Variants in TECPR2 observed in about 807,000 individuals in gnomAD.
TECPR2 encodes the protein tectonin beta-propeller repeat-containing protein 2.
A neutral mutation model predicts 138.1 loss-of-function variants in TECPR2; 65 were observed. The observed-to-expected ratio is 0.47, with a 90% confidence interval of 0.39 to 0.58. TECPR2 has a LOEUF of 0.58. Ranked by LOEUF, TECPR2 falls within the 20% of genes least tolerant of loss-of-function variation. The probability of loss-of-function intolerance (pLI) is 0.00; values close to 1 mark genes in which losing one functional copy is unlikely to be tolerated. For missense variants in TECPR2, 1,553 were observed against 1,824.5 expected (o/e 0.85, Z 2.71); for synonymous variants, 746 against 749.8 (o/e 0.99, Z 0.08).
In TECPR2 at chr14:102,470,245, T is replaced by C. The variant is rs562693922; in HGVS notation, c.3789+4956T>C. On this transcript the variant is annotated intron_variant, in intron 17 of 19. Coordinates refer to ENST00000359520, the MANE Select transcript of TECPR2 (RefSeq NM_014844.5). ...ATGTAGCCATGTAGGCCTGAACTTT[T>C]TTTGTGGGAAGTTTTTTTGACTACT... is the stretch of plus-strand genomic sequence containing the variant. 5.9e-5 allele frequency among the ~76,000 whole-genome samples: 9 copies of C among 152,284 alleles called. No homozygotes were observed. In the East Asian group the frequency reaches 1.7e-3, roughly 29 times the overall value.
intron 2 of TECPR2, among the ~76,000 whole-genome samples, chr14:102,382,022 G>A (rs147896995): frequency 3.9e-5 from 6 of 152,090 alleles, no homozygotes; most frequent in South Asian, 2.1e-4. Flanking sequence ...GGCCGGGCAC[G>A]GTGGCTCACG....
At chr14:102,373,768 A>G (rs1375630538) in intron 1 of TECPR2, among the ~76,000 whole-genome samples, 4 of 152,132 alleles carry the variant, frequency 2.6e-5, no homozygotes, top group Non-Finnish European at 5.9e-5. Flanking sequence ...TGTATTGGCT[A>G]TTGTGACTGT....
rs769996875 is a variant in TECPR2, at chr14:102,498,749, G to C, written c.*492G>C. 5 of 465,382 alleles carry C rather than the reference G, an allele frequency of 1.1e-5. No homozygotes were observed. The highest frequency in any genetic ancestry group is 2.1e-5 in the Non-Finnish European group (5 of 236,722). 28.8% of individuals were successfully genotyped at this position (465,382 alleles called of 1,614,324 possible). On this transcript the variant is annotated 3_prime_UTR_variant, in exon 20 of 20. Transcript: ENST00000359520. The stretch of plus-strand genomic sequence containing the variant: ...CCCATCATAGGGGGGTGTCCCCCCA[G>C]AGACAAAGCTGCAGAGCACATTCCA...
chr14:102,446,871 C>T (rs1889995908), intron 13 of TECPR2, among the ~76,000 whole-genome samples: 1 of 152,160 alleles, frequency 6.6e-6, no homozygotes, highest in Admixed American at 6.5e-5. Context: ...AACCCAGTGA[C>T]ATCCATTTGA....
At chr14:102,417,799 G>T (rs1322687519) in intron 5 of TECPR2, among the ~76,000 whole-genome samples, 2 of 149,768 alleles carry the variant, frequency 1.3e-5, no homozygotes, top group Non-Finnish European at 3.0e-5. Flanking sequence ...GCTGGCACGG[G>T]AGTCCAGGGG....
intron 1 of TECPR2, among the ~76,000 whole-genome samples, chr14:102,370,450 A>G (rs1226420749): frequency 2.6e-5 from 4 of 152,192 alleles, no homozygotes; most frequent in South Asian, 2.1e-4. Context: ...CTTGCTTGCT[A>G]GGAGATCTCA....
intron 13 of TECPR2, 36 bp from the exon 14 acceptor site, chr14:102,449,593 C>G: frequency 2.5e-6 from 4 of 1,610,722 alleles, no homozygotes; most frequent in Non-Finnish European, 3.4e-6. Flanking sequence ...TGTAACTGCT[C>G]TGACAGCAGG....
rs1889612414 is a variant in TECPR2 at position 102,434,791 on chromosome 14, A to G, written c.1974A>G (p.Pro658=). Reference sequence around the variant, plus strand: ...TGCCTTCCAGCCTCAGCTGGGCCCCAAGTGCTGAACAGTGGCTGCCTGGGA... The same window carrying G: ...TGCCTTCCAGCCTCAGCTGGGCCCCGAGTGCTGAACAGTGGCTGCCTGGGA... ...LTVPSSLSWA[P]SAEQWLPGTR... Residue 658 remains proline (P), a synonymous_variant, in exon 9 of 20, where the codon CCA becomes CCG. Transcript: ENST00000359520. The G allele has an allele frequency of 1.9e-6, 3 of 1,613,456 alleles. No individual in the cohort carries two copies. Among genetic ancestry groups the G allele is most frequent in the Non-Finnish European group, 8.5e-7 (1 of 1,180,024 alleles).
chr14:102,369,944 G>A (rs1304079414), intron 1 of TECPR2, among the ~76,000 whole-genome samples: 2 of 151,906 alleles, frequency 1.3e-5, no homozygotes, highest in African/African-American at 4.8e-5. Context: ...GACAGAGTGA[G>A]ACTCTGTCTC....
chr14:102,417,457 C>CA (rs980176920), intron 5 of TECPR2, among the ~76,000 whole-genome samples: 2 of 152,162 alleles, frequency 1.3e-5, no homozygotes, highest in Non-Finnish European at 2.9e-5. Context: ...TAGAGGCTGT[C>CA]AGTGCTGTAA....
intron 2 of TECPR2, among the ~76,000 whole-genome samples, chr14:102,378,428 A>G (rs1042263196): frequency 1.2e-4 from 18 of 152,032 alleles, no homozygotes; most frequent in African/African-American, 3.6e-4. Context: ...CCTTCTCACT[A>G]TGCTTCTTGG....
At chr14:102,454,480 A>G (rs1204120667) in intron 16 of TECPR2, among the ~76,000 whole-genome samples, 1 of 152,100 alleles carries the variant, frequency 6.6e-6, no homozygotes, top group Non-Finnish European at 1.5e-5. Flanking sequence ...GGGCCTCCCC[A>G]CCTGCCTTTT....
At chr14:102,475,057 A>C (rs571744858) in intron 17 of TECPR2, among the ~76,000 whole-genome samples, 1 of 152,304 alleles carries the variant, frequency 6.6e-6, no homozygotes, top group East Asian at 1.9e-4. Context: ...GGACACTCAC[A>C]GGCTACCGTA....
intron 16 of TECPR2, among the ~76,000 whole-genome samples, chr14:102,463,948 A>C (rs561803174): frequency 5.1e-4 from 77 of 152,262 alleles, no homozygotes; most frequent in African/African-American, 1.8e-3. Flanking sequence ...CAAAAAACAA[A>C]AACAAACAAT....
At chr14:102,482,252 C>T (rs1180663129) in intron 17 of TECPR2, among the ~76,000 whole-genome samples, 1 of 152,186 alleles carries the variant, frequency 6.6e-6, no homozygotes, top group East Asian at 1.9e-4. Context: ...GACAGGGTTT[C>T]ACCACATTGG....
intron 17 of TECPR2, among the ~76,000 whole-genome samples, chr14:102,471,507 C>G (rs575878995): frequency 4.0e-5 from 6 of 151,478 alleles, no homozygotes; most frequent in Non-Finnish European, 8.8e-5. Context: ...AGTTCAAGAC[C>G]AGCCTGGGCA....
At chr14:102,368,443 C>T (rs1436495946) in intron 1 of TECPR2, among the ~76,000 whole-genome samples, 1 of 152,132 alleles carries the variant, frequency 6.6e-6, no homozygotes, top group South Asian at 2.1e-4. Flanking sequence ...TGGGTTCAAT[C>T]GATCTTCCCA....
At chr14:102,387,119 C>T (rs949344444) in intron 2 of TECPR2, among the ~76,000 whole-genome samples, 4 of 152,098 alleles carry the variant, frequency 2.6e-5, no homozygotes, top group African/African-American at 9.7e-5. Flanking sequence ...AGTTTATGCT[C>T]AAATAAATCC....
chr14:102,418,885 T>C (rs1272195866), intron 5 of TECPR2, among the ~76,000 whole-genome samples: 3 of 152,140 alleles, frequency 2.0e-5, no homozygotes, highest in African/African-American at 7.2e-5. Flanking sequence ...TTCCTAGGTC[T>C]GTGGTCTATG....
Sources: gnomAD v4.1 joint callset for allele counts (sites outside exome capture counted in the v4.1 genomes callset) on GRCh38, gnomAD v4.1.1 for gene constraint, MANE v1.5 for transcripts, NCBI Gene and HGNC (gene_info 2026-07-23, HGNC 2026-07-21) for gene names.